Variants in TACC2 observed in about 807,000 individuals in gnomAD.
TACC2 encodes transforming acidic coiled-coil containing protein 2, also known as transforming acidic coiled-coil-containing protein 2.
In TACC2, 137 loss-of-function variants were observed where a neutral mutation model predicts 227.3. The observed-to-expected ratio is 0.60, with a 90% CI of 0.52 to 0.69. The LOEUF (loss-of-function observed/expected upper bound fraction) is 0.69. Ranked by LOEUF, TACC2 falls within the 30% of genes least tolerant of loss-of-function variation. The pLI, the probability that TACC2 is intolerant of heterozygous loss-of-function variation, is 0.00. For missense variants in TACC2, 3,470 were observed against 3,694.4 expected, an observed-to-expected ratio of 0.94 and a Z score of 1.57; for synonymous variants, 1,523 against 1,487.5, an observed-to-expected ratio of 1.02 and a Z score of -0.55.
At chr10:122,007,675 T>G (rs1189579940) in intron 1 of TACC2, among the ~76,000 whole-genome samples, 1 of 152,194 alleles carries the variant, frequency 6.6e-6, no homozygotes, top group Non-Finnish European at 1.5e-5. Flanking sequence ...TCCTTTTATT[T>G]TGTGATGCTC....
intron 7 of TACC2, among the ~76,000 whole-genome samples, chr10:122,159,986 C>T (rs1199509731): frequency 3.9e-5 from 6 of 152,162 alleles, no homozygotes; most frequent in African/African-American, 1.4e-4. Context: ...TGGCTCCGTC[C>T]GTTGAACCTC....
intron 2 of TACC2, among the ~76,000 whole-genome samples, chr10:122,043,397 C>A (rs1294670655): frequency 6.6e-6 from 1 of 152,150 alleles, no homozygotes; most frequent in Non-Finnish European, 1.5e-5. Flanking sequence ...ATTCAAAATT[C>A]CATGAGGGTA....
chr10:122,125,776 C>CTTTTT (rs67882679), intron 5 of TACC2, among the ~76,000 whole-genome samples: 29,062 of 116,796 alleles, frequency 0.25, 4,976 homozygotes, highest in South Asian at 0.37. Context: ...AATATCCTTC[C>CTTTTT]TTTTTTTTTT....
At chr10:122,220,730 A>G (rs189372901) in intron 11 of TACC2, among the ~76,000 whole-genome samples, 40 of 152,360 alleles carry the variant, frequency 2.6e-4, no homozygotes, top group Non-Finnish European at 5.1e-4. Flanking sequence ...CATTAATTCT[A>G]TAGGTAACAA....
intron 1 of TACC2, among the ~76,000 whole-genome samples, chr10:122,005,831 C>T (rs1241161531): frequency 6.6e-6 from 1 of 151,716 alleles, no homozygotes; most frequent in Non-Finnish European, 1.5e-5. Flanking sequence ...GTAGCTGGGA[C>T]TCTAGTTGTG....
chr10:122,070,784 G>A (rs2077962091), intron 3 of TACC2, among the ~76,000 whole-genome samples: 1 of 151,434 alleles, frequency 6.6e-6, no homozygotes, highest in African/African-American at 2.4e-5. Context: ...AATTAGCTAG[G>A]TGTGGTAATG....
intron 5 of TACC2, among the ~76,000 whole-genome samples, chr10:122,106,374 G>A (rs2082805913): frequency 6.6e-6 from 1 of 152,178 alleles, no homozygotes; most frequent in African/African-American, 2.4e-5. Context: ...GGCACTCAGA[G>A]GGTGATTGCA....
At chr10:122,165,555 G>T (rs1224015422) in intron 7 of TACC2, among the ~76,000 whole-genome samples, 1 of 152,112 alleles carries the variant, frequency 6.6e-6, no homozygotes, top group Non-Finnish European at 1.5e-5. Context: ...GTGCCTTTTT[G>T]GATAAGGTCC....
rs771425196 is a variant in TACC2, at chr10:122,085,119, C to T, written c.2619C>T (p.Ser873=). 2.5e-6 allele frequency: 4 copies of T among 1,614,014 alleles called. No individual in the cohort carries two copies. Among genetic ancestry groups the T allele is most frequent in the Middle Eastern group, 1.6e-4 (1 of 6,084 alleles). The change falls in exon 4 of 23, where the codon TCC becomes TCT. Residue 873 remains serine, a synonymous_variant. Transcript: ENST00000369005. ...TTAAGGACCAGGGAGCAGATTCTTC[C>T]CAAATCCATGTACCTGTGGAACCTC... is the stretch of plus-strand genomic sequence containing the variant. ...PGFKDQGADS[S]QIHVPVEPQE... is the part of the protein sequence containing the mutation.
intron 7 of TACC2, among the ~76,000 whole-genome samples, chr10:122,158,006 C>T (rs1405740143): frequency 6.7e-6 from 1 of 150,372 alleles, no homozygotes; most frequent in African/African-American, 2.4e-5. Flanking sequence ...TGGGGACTGG[C>T]CTTCCTCCCT....
intron 7 of TACC2, among the ~76,000 whole-genome samples, chr10:122,152,569 T>C (rs2139527842): frequency 6.6e-6 from 1 of 152,314 alleles, no homozygotes; most frequent in Non-Finnish European, 1.5e-5. Context: ...TAAACGCGTG[T>C]TGACACGGCT....
chr10:122,210,528 A>T lies in TACC2; in HGVS notation c.6103A>T (p.Thr2035Ser). ...AGACAAGCCGATAGCCAGCAGTGGG[A>T]CTTACAACTTGGACTTTGACAACAT... ...DEDKPIASSG[T>S]YNLDFDNIEL... The change falls in exon 9 of 23, where the codon ACT (threonine) becomes TCT (serine). Residue 2035 changes from threonine to serine, a missense_variant. By Grantham distance (58) the Thr-to-Ser change is moderately conservative. Transcript: ENST00000369005. This position sits in a 1 kb window ranked among gnomAD's most constrained non-coding sequence, Gnocchi z 4.6. 6.2e-7 allele frequency: 1 copy of T among 1,614,076 alleles called. No individual in the cohort carries two copies. Among genetic ancestry groups the T allele is most frequent in the Non-Finnish European group, 8.5e-7 (1 of 1,180,004 alleles).
chr10:122,088,038 T>C, intron 4 of TACC2, 79 bp downstream of exon 4: 1 of 1,417,760 alleles, frequency 7.1e-7, no homozygotes, highest in East Asian at 2.4e-5. Flanking sequence ...TAGAAGTCAG[T>C]CGCATAGGTG....
intron 5 of TACC2, chr10:122,112,930 G>C (rs1313869789): frequency 6.6e-6 from 1 of 152,052 alleles, no homozygotes; most frequent in Non-Finnish European, 1.5e-5. Context: ...TGCGCGAGCA[G>C]CTGGCCGAGC....
chr10:122,123,915 G>C (rs1174585586), intron 5 of TACC2, among the ~76,000 whole-genome samples: 2 of 148,378 alleles, frequency 1.3e-5, no homozygotes, highest in Non-Finnish European at 3.0e-5. Context: ...CCAGGGTTAA[G>C]CAATTCTCTT....
chr10:122,224,187 T>G (rs4752672), intron 11 of TACC2, among the ~76,000 whole-genome samples: 1 of 152,054 alleles, frequency 6.6e-6, no homozygotes, highest in Non-Finnish European at 1.5e-5. Flanking sequence ...GGTAGAACCC[T>G]GGGAAAGGCT....
chr10:122,232,843 T>C (rs985755758), intron 16 of TACC2, among the ~76,000 whole-genome samples: 9 of 152,236 alleles, frequency 5.9e-5, no homozygotes, highest in African/African-American at 2.2e-4. Context: ...GTATCCAATT[T>C]GCCTTTTTTT....
At chr10:122,037,131 G>C (rs2461205) in intron 2 of TACC2, among the ~76,000 whole-genome samples, 71,000 of 152,022 alleles carry the variant, frequency 0.47, 17,609 homozygotes, top group African/African-American at 0.63. Flanking sequence ...TAAGGTAACA[G>C]GTGTGTATGG....
At chr10:122,097,791 G>A (rs375121683) in intron 5 of TACC2, among the ~76,000 whole-genome samples, 3 of 152,220 alleles carry the variant, frequency 2.0e-5, no homozygotes, top group South Asian at 2.1e-4. Flanking sequence ...GATGAGACAC[G>A]GCACACCCGA....
Sources: gnomAD v4.1 joint callset for allele counts (sites outside exome capture counted in the v4.1 genomes callset) on GRCh38, gnomAD v4.1.1 for gene constraint, Gnocchi (gnomAD v3.1) non-coding constraint, MANE v1.5 for transcripts, NCBI Gene and HGNC (gene_info 2026-07-23, HGNC 2026-07-21) for gene names.